PEBP4: variants seen among roughly 807,000 people sequenced by gnomAD.
PEBP4 encodes the protein phosphatidylethanolamine binding protein 4, also known as phosphatidylethanolamine-binding protein 4.
Under a neutral mutation model 23.9 loss-of-function variants are expected in PEBP4, and 22 were observed. The observed-to-expected ratio is 0.92, with a 90% confidence interval of 0.66 to 1.31. The LOEUF (loss-of-function observed/expected upper bound fraction) is 1.31. Among genes scored for constraint, PEBP4 ranks in the 40% most tolerant of loss-of-function variants. PEBP4 has a pLI of 0.00. For missense variants in PEBP4, 324 were observed against 281.7 expected (o/e 1.15, Z -1.07); for synonymous variants, 112 against 99.3 (o/e 1.13, Z -0.76).
intron 2 of PEBP4, among the ~76,000 whole-genome samples, chr8:22,923,573 T>C (rs1179974635): frequency 6.6e-6 from 1 of 152,036 alleles, no homozygotes; most frequent in Non-Finnish European, 1.5e-5. Context: ...TGAGACCCTG[T>C]CTCTAGAAAC....
intron 2 of PEBP4, among the ~76,000 whole-genome samples, chr8:22,923,103 T>C (rs975226864): frequency 6.6e-6 from 1 of 152,346 alleles, no homozygotes; most frequent in East Asian, 1.9e-4. Context: ...ACAATACCTA[T>C]TTGCAGCTGC....
intron 3 of PEBP4, among the ~76,000 whole-genome samples, chr8:22,881,201 A>C (rs895281060): frequency 6.6e-6 from 1 of 152,170 alleles, no homozygotes; most frequent in African/African-American, 2.4e-5. Flanking sequence ...GGGATGCCCC[A>C]GTTTCTGGAC....
chr8:22,841,969 G>C (rs1807338715), intron 3 of PEBP4, among the ~76,000 whole-genome samples: 1 of 152,246 alleles, frequency 6.6e-6, no homozygotes, highest in Non-Finnish European at 1.5e-5. Flanking sequence ...AAACGGGCAA[G>C]AGAGAGGGAG....
chr8:22,756,000 C>T (rs918102498), intron 4 of PEBP4: 1 of 152,200 alleles, frequency 6.6e-6, no homozygotes, highest in Non-Finnish European at 1.5e-5. Context: ...AACGGGGACA[C>T]AACTAAAGGT....
At chr8:22,935,164 TG>T (rs1809517527) in intron 1 of PEBP4, among the ~76,000 whole-genome samples, 2 of 152,178 alleles carry the variant, frequency 1.3e-5, no homozygotes, top group African/African-American at 2.4e-5. Context: ...CAACAGTAAT[TG>T]GAAATTTCAG....
chr8:22,845,821 G>A (rs1807421573), intron 3 of PEBP4, among the ~76,000 whole-genome samples: 1 of 152,248 alleles, frequency 6.6e-6, no homozygotes, highest in Non-Finnish European at 1.5e-5. Flanking sequence ...TGATCAGATC[G>A]CAGGCTCATC....
At chr8:22,870,265 G>A (rs946092387) in intron 3 of PEBP4, among the ~76,000 whole-genome samples, 5 of 152,196 alleles carry the variant, frequency 3.3e-5, no homozygotes, top group African/African-American at 1.2e-4. Flanking sequence ...GAAAAGCAAT[G>A]AGCTACCAAG....
Position 22,880,942 on chromosome 8 carries a change from G to T in PEBP4, c.258+39242C>A, listed in dbSNP as rs115240123. ...CCTGGGCCCTGCTTGCCCTTGCCAG[G>T]TCCCACCACCCTTCCTGCTCTGCTC... is the stretch of plus-strand genomic sequence containing the variant. On this transcript the variant is annotated intron_variant, in intron 3 of 6. Coordinates refer to ENST00000256404, the MANE Select transcript of PEBP4 (RefSeq NM_144962.3). 6.4e-3 allele frequency among the ~76,000 whole-genome samples: 982 copies of T among 152,310 alleles called. 10 individuals carry two copies. The highest frequency in any genetic ancestry group is 0.022 in the African/African-American group (933 of 41,576).
intron 1 of PEBP4, among the ~76,000 whole-genome samples, chr8:22,934,623 G>A (rs888592955): frequency 1.3e-5 from 2 of 152,120 alleles, no homozygotes; most frequent in South Asian, 4.1e-4. Context: ...GATCACTTGA[G>A]CCTAGGAGTT....
intron 3 of PEBP4, among the ~76,000 whole-genome samples, chr8:22,860,351 A>C (rs1002302667): frequency 3.3e-5 from 5 of 151,864 alleles, no homozygotes; most frequent in Non-Finnish European, 1.5e-5. Flanking sequence ...TTCATTTTGC[A>C]AAACTGAAAC....
At chr8:22,730,028 G>T (rs1804699262) in intron 4 of PEBP4, among the ~76,000 whole-genome samples, 1 of 152,146 alleles carries the variant, frequency 6.6e-6, no homozygotes, top group African/African-American at 2.4e-5. Flanking sequence ...TGAGGCCTTA[G>T]ACCCCAGGCC....
chr8:22,924,440 G>T (rs991855651), intron 2 of PEBP4, among the ~76,000 whole-genome samples: 3 of 152,122 alleles, frequency 2.0e-5, no homozygotes, highest in South Asian at 2.1e-4. Context: ...GCCCAGGTTG[G>T]GGGGAGCTGG....
At chr8:22,868,173 C>T (rs1239807103) in intron 3 of PEBP4, among the ~76,000 whole-genome samples, 1 of 152,194 alleles carries the variant, frequency 6.6e-6, no homozygotes, top group African/African-American at 2.4e-5. Context: ...TTGTGAGCAT[C>T]TTTGCAGGTC....
At chr8:22,754,758 T>A (rs1264758581) in intron 4 of PEBP4, 1 of 151,974 alleles carries the variant, frequency 6.6e-6, no homozygotes, top group Non-Finnish European at 1.5e-5. Flanking sequence ...GCTCAGGAGG[T>A]GGATAATTTC....
chr8:22,765,851 C>T (rs1805602708), intron 4 of PEBP4, among the ~76,000 whole-genome samples: 1 of 97,702 alleles, frequency 1.0e-5, no homozygotes, highest in African/African-American at 4.2e-5. Flanking sequence ...TCATGGATCA[C>T]CACCTGTGGA....
At chr8:22,732,285 T>G (rs1032265190) in intron 4 of PEBP4, among the ~76,000 whole-genome samples, 1 of 152,136 alleles carries the variant, frequency 6.6e-6, no homozygotes, top group Non-Finnish European at 1.5e-5. Flanking sequence ...AGAAGGACCC[T>G]TAAATGCTCA....
At chr8:22,847,043 G>C (rs1807451592) in intron 3 of PEBP4, among the ~76,000 whole-genome samples, 1 of 152,062 alleles carries the variant, frequency 6.6e-6, no homozygotes, top group Middle Eastern at 3.2e-3. Flanking sequence ...CTGGTAAATT[G>C]GTCCTCAAGA....
chr8:22,906,729 G>T (rs34618382), intron 3 of PEBP4, among the ~76,000 whole-genome samples: 33,460 of 152,062 alleles, frequency 0.22, 3,715 homozygotes, highest in Middle Eastern at 0.27. Context: ...CTAATAACAT[G>T]TGTTCAACAA....
intron 3 of PEBP4, among the ~76,000 whole-genome samples, chr8:22,893,552 G>A (rs75548905): frequency 0.03 from 4,561 of 152,246 alleles, 115 homozygotes; most frequent in African/African-American, 0.065. Flanking sequence ...TATTCCATGT[G>A]TTCAAGAAGG....
Sources: allele counts gnomAD v4.1 joint callset (sites outside exome capture counted in the v4.1 genomes callset), GRCh38; gene constraint gnomAD v4.1.1; transcripts MANE v1.5; gene names NCBI Gene and HGNC (gene_info 2026-07-23, HGNC 2026-07-21).